The following STARD6 variants were observed in gnomAD, a reference collection of about 807,000 sequenced individuals.
STARD6 encodes the protein stAR-related lipid transfer protein 6.
STARD6 carries 21 observed loss-of-function variants against 22.3 expected under a neutral mutation model. The observed-to-expected ratio is 0.94, with a 90% CI of 0.67 to 1.35. STARD6 has a LOEUF of 1.35. Ranked by LOEUF, STARD6 falls within the 40% of genes most tolerant of loss-of-function variation. The pLI is 0.00. For missense variants in STARD6, 269 were observed against 266.9 expected (o/e 1.01, Z -0.05); for synonymous variants, 80 against 88.1 (o/e 0.91, Z 0.52).
intron 1 of STARD6, among the ~76,000 whole-genome samples, chr18:54,357,496 T>C (rs1390364763): frequency 1.3e-5 from 2 of 151,992 alleles, no homozygotes; most frequent in Non-Finnish European, 2.9e-5. Flanking sequence ...TGAGACGATA[T>C]CTTATTTTTG....
intron 4 of STARD6, among the ~76,000 whole-genome samples, chr18:54,350,585 A>G (rs2089086402): frequency 6.6e-6 from 1 of 152,146 alleles, no homozygotes; most frequent in Non-Finnish European, 1.5e-5. Flanking sequence ...AGTTTTCCCA[A>G]TGTTATTTTC....
intron 1 of STARD6, among the ~76,000 whole-genome samples, 172 bp downstream of exon 1, chr18:54,357,620 C>A (rs1288613416): frequency 6.6e-6 from 1 of 152,170 alleles, no homozygotes; most frequent in East Asian, 1.9e-4. Flanking sequence ...TCTCCCTCCC[C>A]ACCCAGTCCC....
At chr18:54,341,570 A>C (rs946567726) in intron 4 of STARD6, among the ~76,000 whole-genome samples, 2 of 152,266 alleles carry the variant, frequency 1.3e-5, no homozygotes, top group Non-Finnish European at 2.9e-5. Context: ...AAATTTTACA[A>C]AGTATTTTTG....
chr18:54,338,740 G>C (rs1034332119), intron 4 of STARD6, among the ~76,000 whole-genome samples: 7 of 151,782 alleles, frequency 4.6e-5, no homozygotes, highest in Non-Finnish European at 8.8e-5. Context: ...ATCATATAAA[G>C]ATGTTGGAAT....
rs550766372 is a variant in STARD6, at chr18:54,346,152, G to A, written c.140+7902C>T. ...ACAACCTACAGAATGGGAGAAAATAGTCGCAAATCATATATGTGATACTAA... is the reference window on the plus strand; with the variant it reads ...ACAACCTACAGAATGGGAGAAAATAATCGCAAATCATATATGTGATACTAA... On this transcript the variant is annotated intron_variant, in intron 4 of 7. Coordinates refer to ENST00000307844, the MANE Select transcript of STARD6 (RefSeq NM_139171.2). 2.0e-5 allele frequency among the ~76,000 whole-genome samples: 3 copies of A among 152,142 alleles called. No individual in the cohort carries two copies. The East Asian group carries it at 5.8e-4, about 29-fold the overall frequency.
At chr18:54,343,413 G>A (rs2088999303) in intron 4 of STARD6, among the ~76,000 whole-genome samples, 1 of 140,990 alleles carries the variant, frequency 7.1e-6, no homozygotes, top group African/African-American at 2.7e-5. Flanking sequence ...ATCCGGGAGG[G>A]AGGTGGGGGG....
At chr18:54,324,934 T>G (rs535528170) in intron 7 of STARD6, 59 bp from the exon 8 acceptor site, 1 of 1,380,132 alleles carries the variant, frequency 7.2e-7, no homozygotes, top group African/African-American at 1.5e-5. Context: ...ACTACTGACT[T>G]TACAGGTTTT....
chr18:54,354,060 C>T lies in STARD6; in HGVS notation c.134G>A (p.Gly45Glu), dbSNP rs1447535731. ...VSSKASRKFH[G>E]NLYRVEGIIP... ...AATAGAAGATTGTACTCACAGATTT[C>T]CATGGAATTTTCTAGAAGCCTTACT... Residue 45 changes from glycine to glutamate, a missense_variant, in exon 4 of 8, where the codon GGA becomes GAA. Coordinates refer to ENST00000307844, the MANE Select transcript of STARD6 (RefSeq NM_139171.2). 6.4e-7 allele frequency: 1 copy of T among 1,564,220 alleles called. No individual in the cohort carries two copies. The highest frequency in any genetic ancestry group is 1.2e-5 in the South Asian group (1 of 80,586).
At chr18:54,347,049 G>A (rs888608756) in intron 4 of STARD6, among the ~76,000 whole-genome samples, 1 of 152,032 alleles carries the variant, frequency 6.6e-6, no homozygotes, top group Non-Finnish European at 1.5e-5. Context: ...GTGAAATTTA[G>A]GGTACATAAA....
chr18:54,342,502 C>T (rs569349466), intron 4 of STARD6, among the ~76,000 whole-genome samples: 6 of 130,662 alleles, frequency 4.6e-5, no homozygotes, highest in Admixed American at 7.2e-5. Flanking sequence ...CCTCTCCCCA[C>T]GGTCTCCCTC....
At chr18:54,354,765 G>C (rs1303599607) in intron 2 of STARD6, among the ~76,000 whole-genome samples, 188 bp from the exon 3 acceptor site, 4 of 152,206 alleles carry the variant, frequency 2.6e-5, no homozygotes, top group Admixed American at 6.5e-5. Context: ...CTGTGGTATA[G>C]TGGAAAAATC....
intron 4 of STARD6, among the ~76,000 whole-genome samples, chr18:54,350,838 C>T (rs2144694945): frequency 6.6e-6 from 1 of 152,254 alleles, no homozygotes. Flanking sequence ...TTCCATTGAT[C>T]TACGTGCCTG....
intron 6 of STARD6, among the ~76,000 whole-genome samples, chr18:54,330,816 A>G (rs1486282052): frequency 6.6e-6 from 1 of 152,144 alleles, no homozygotes; most frequent in Admixed American, 6.5e-5. Flanking sequence ...TAACAGATCT[A>G]TGATCTGTTC....
chr18:54,338,112 A>G (rs2088933802), intron 4 of STARD6, among the ~76,000 whole-genome samples: 1 of 152,218 alleles, frequency 6.6e-6, no homozygotes, highest in Admixed American at 6.5e-5. Context: ...CAAAGAGCTG[A>G]TGCCTTACTG....
intron 4 of STARD6, among the ~76,000 whole-genome samples, chr18:54,342,475 G>A (rs1441518727): frequency 3.6e-5 from 4 of 112,472 alleles, no homozygotes; most frequent in Middle Eastern, 4.0e-3. Context: ...CTCCCTCTCC[G>A]TCTCCGTCTC....
intron 2 of STARD6, among the ~76,000 whole-genome samples, 183 bp from the exon 3 acceptor site, chr18:54,354,760 G>C (rs1410035541): frequency 6.6e-6 from 1 of 152,162 alleles, no homozygotes; most frequent in East Asian, 1.9e-4. Context: ...AGAAACTGTG[G>C]TATAGTGGAA....
At chr18:54,325,506 C>A (rs926234842) in intron 7 of STARD6, among the ~76,000 whole-genome samples, 2 of 150,994 alleles carry the variant, frequency 1.3e-5, no homozygotes, top group Non-Finnish European at 2.9e-5. Flanking sequence ...CTTTTGGCTA[C>A]TGTAAGTAAA....
In STARD6 at chr18:54,330,730, C is replaced by T. The variant is rs554772104; in HGVS notation, c.385+1012G>A. Among the ~76,000 whole-genome samples the T allele has an allele frequency of 2.0e-5, 3 of 152,110 alleles. No individual in the cohort carries two copies. The East Asian group carries it at 5.8e-4, about 29-fold the overall frequency. On this transcript the variant is annotated intron_variant, in intron 6 of 7. Transcript: ENST00000307844. ...GATTACCTCTAGTTGTTGATTTTAA[C>T]CTCTACTTCTTTTTTTAGCTTCCCT...
Position 54,331,841 on chromosome 18 carries a change from T to C in STARD6, c.286A>G (p.Thr96Ala). Residue 96 changes from threonine to alanine, a missense_variant, in exon 6 of 8, where the codon ACC (threonine) becomes GCC (alanine). Transcript: ENST00000307844. Reference sequence around the variant, plus strand: ...CCCACGGCAAAACTTTGTGTAATGGTATGACATATGAATGTGTCCTGCAAC... The same window carrying C: ...CCCACGGCAAAACTTTGTGTAATGGCATGACATATGAATGTGTCCTGCAAC... ...RIDSDTFICH[T>A]ITQSFAVGSI... is the part of the protein sequence containing the mutation. 1.2e-6 allele frequency: 2 copies of C among 1,610,052 alleles called. No individual in the cohort carries two copies. The highest frequency in any genetic ancestry group is 1.7e-6 in the Non-Finnish European group (2 of 1,176,782).
Sources: gnomAD v4.1 joint callset for allele counts (sites outside exome capture counted in the v4.1 genomes callset) on GRCh38, gnomAD v4.1.1 for gene constraint, MANE v1.5 for transcripts, NCBI Gene and HGNC (gene_info 2026-07-23, HGNC 2026-07-21) for gene names.